The following EPHB1 variants were observed in gnomAD, a reference collection of about 807,000 sequenced individuals.
EPHB1 encodes ephrin type-B receptor 1.
EPHB1 carries 30 observed loss-of-function variants against 94.4 expected under a neutral mutation model. That is an observed-to-expected ratio of 0.32 (90% CI 0.24 to 0.43). The LOEUF (loss-of-function observed/expected upper bound fraction) is 0.43. EPHB1 is among the 20% of genes least tolerant of loss of function. The pLI is 1.00. For missense variants in EPHB1, 1,055 were observed against 1,308.3 expected (o/e 0.81, Z 2.99); for synonymous variants, 522 against 489.1 (o/e 1.07, Z -0.89).
At chr3:135,241,419 G>A in intron 13 of EPHB1, 122 bp downstream of exon 13, 1 of 1,261,528 alleles carries the variant, frequency 7.9e-7, no homozygotes, top group Non-Finnish European at 1.1e-6. Context: ...AGTGTTCAGG[G>A]TAGGGGATAC....
chr3:134,898,173 G>A (rs1158315242), intron 1 of EPHB1, among the ~76,000 whole-genome samples: 7 of 152,114 alleles, frequency 4.6e-5, no homozygotes, highest in Admixed American at 1.3e-4. Flanking sequence ...TGGGCCAAGC[G>A]TTTTGTGATC....
At chr3:134,824,125 C>CTTTTTT (rs373504139) in intron 1 of EPHB1, among the ~76,000 whole-genome samples, 16 of 100,768 alleles carry the variant, frequency 1.6e-4, no homozygotes, top group Non-Finnish European at 2.2e-4. Context: ...GGATAATGCC[C>CTTTTTT]TTTTTTTTTT....
intron 11 of EPHB1, among the ~76,000 whole-genome samples, chr3:135,194,363 T>C (rs892309933): frequency 6.6e-6 from 1 of 152,178 alleles, no homozygotes; most frequent in Non-Finnish European, 1.5e-5. Flanking sequence ...ACAGATGTAG[T>C]AAGTGAAGAA....
intron 3 of EPHB1, among the ~76,000 whole-genome samples, chr3:134,961,430 C>T (rs917726077): frequency 3.3e-5 from 5 of 152,208 alleles, no homozygotes; most frequent in African/African-American, 7.2e-5. Context: ...ATTTCTGAAC[C>T]TTTCTTCCTT....
At chr3:135,091,687 C>T (rs1938563886) in intron 3 of EPHB1, among the ~76,000 whole-genome samples, 1 of 152,142 alleles carries the variant, frequency 6.6e-6, no homozygotes. Flanking sequence ...TTGTATTTGC[C>T]TCGTCAGAGT....
chr3:134,982,594 C>T (rs976566130), intron 3 of EPHB1, among the ~76,000 whole-genome samples: 11 of 152,182 alleles, frequency 7.2e-5, no homozygotes, highest in Admixed American at 5.2e-4. Flanking sequence ...TGAAGAGGTT[C>T]TTCAGTCTAC....
chr3:134,866,233 A>G (rs1444480710), intron 1 of EPHB1, among the ~76,000 whole-genome samples: 1 of 152,210 alleles, frequency 6.6e-6, no homozygotes, highest in Non-Finnish European at 1.5e-5. Context: ...TCCTCTTTCT[A>G]GATGTATGTG....
chr3:134,871,946 A>G (rs1195582401), intron 1 of EPHB1, among the ~76,000 whole-genome samples: 2 of 152,236 alleles, frequency 1.3e-5, no homozygotes, highest in African/African-American at 2.4e-5. Context: ...AGATAGCTTC[A>G]TAGGAAGCAC....
At chr3:135,128,399 A>T (rs1940288959) in intron 4 of EPHB1, among the ~76,000 whole-genome samples, 1 of 152,228 alleles carries the variant, frequency 6.6e-6, no homozygotes, top group Non-Finnish European at 1.5e-5. Context: ...GCAGACGCCA[A>T]ATCTACCCTG....
intron 1 of EPHB1, among the ~76,000 whole-genome samples, chr3:134,866,735 C>G (rs1394293258): frequency 6.6e-6 from 1 of 152,206 alleles, no homozygotes; most frequent in East Asian, 1.9e-4. Flanking sequence ...TTTGATGAAA[C>G]AAATTTGTTT....
At chr3:134,986,708 A>G (rs1054529114) in intron 3 of EPHB1, among the ~76,000 whole-genome samples, 1 of 136,270 alleles carries the variant, frequency 7.3e-6, no homozygotes, top group African/African-American at 2.9e-5. Context: ...ATTTAAAGAT[A>G]TTAACACACA....
intron 3 of EPHB1, among the ~76,000 whole-genome samples, chr3:135,076,431 C>A (rs1937924499): frequency 2.0e-5 from 3 of 152,104 alleles, no homozygotes; most frequent in African/African-American, 7.3e-5. Flanking sequence ...TGATATACTA[C>A]TTTACACTCA....
chr3:135,060,103 C>A (rs974289922), intron 3 of EPHB1, among the ~76,000 whole-genome samples: 1 of 152,176 alleles, frequency 6.6e-6, no homozygotes, highest in Non-Finnish European at 1.5e-5. Flanking sequence ...CACAAAGCTG[C>A]GCAATCATTA....
intron 1 of EPHB1, among the ~76,000 whole-genome samples, chr3:134,923,477 C>G (rs2038728814): frequency 6.6e-6 from 1 of 152,200 alleles, no homozygotes; most frequent in Admixed American, 6.5e-5. Flanking sequence ...ATTAGACCCA[C>G]TCAGGCCCTT....
At chr3:135,121,786 C>G (rs1939970959) in intron 4 of EPHB1, among the ~76,000 whole-genome samples, 1 of 151,722 alleles carries the variant, frequency 6.6e-6, no homozygotes, top group Non-Finnish European at 1.5e-5. Context: ...GCCTTCAGGT[C>G]AAGTGTTCTG....
intron 5 of EPHB1, among the ~76,000 whole-genome samples, chr3:135,138,163 C>T (rs774906273): frequency 7.2e-5 from 11 of 152,244 alleles, no homozygotes; most frequent in Non-Finnish European, 8.8e-5. Flanking sequence ...GCCTGCGTGC[C>T]ACTTCCATGT....
intron 1 of EPHB1, among the ~76,000 whole-genome samples, chr3:134,865,420 C>T (rs1157910701): frequency 6.6e-6 from 1 of 152,078 alleles, no homozygotes; most frequent in Non-Finnish European, 1.5e-5. Context: ...TAATAAGGAT[C>T]TTTTGGCAAT....
chr3:134,803,501 G>C (rs902706159), intron 1 of EPHB1, among the ~76,000 whole-genome samples: 2 of 152,170 alleles, frequency 1.3e-5, no homozygotes, highest in African/African-American at 4.8e-5. Flanking sequence ...GTCAGAAGCA[G>C]GACTGGAGGT....
At chr3:135,096,504 A>G (rs1485063987) in intron 3 of EPHB1, among the ~76,000 whole-genome samples, 2 of 152,188 alleles carry the variant, frequency 1.3e-5, no homozygotes, top group African/African-American at 4.8e-5. Context: ...ATACGTTCCC[A>G]GGTGGCACTG....
Sources: gnomAD v4.1 joint callset for allele counts (sites outside exome capture counted in the v4.1 genomes callset) on GRCh38, gnomAD v4.1.1 for gene constraint, MANE v1.5 for transcripts, NCBI Gene and HGNC (gene_info 2026-07-23, HGNC 2026-07-21) for gene names.